PARVG: variants seen among roughly 807,000 people sequenced by gnomAD.
The protein encoded by PARVG is parvin gamma, also known as gamma-parvin.
In PARVG, 36 loss-of-function variants were observed where a neutral mutation model predicts 44.4. The ratio of observed to expected loss-of-function variants is 0.81; its 90% CI spans 0.62 to 1.07. The LOEUF is 1.07. Ranked by LOEUF, PARVG falls within the 50% of genes least tolerant of loss-of-function variation. The pLI is 0.00. For synonymous variants in PARVG, 170 were observed against 174.1 expected (o/e 0.98, Z 0.19); for missense variants, 407 against 407.4 (o/e 1.00, Z 0.01).
At chr22:44,205,388 A>G (rs577743400) in intron 12 of PARVG, among the ~76,000 whole-genome samples, 1 of 152,242 alleles carries the variant, frequency 6.6e-6, no homozygotes, top group South Asian at 2.1e-4. Flanking sequence ...GGCGGGACTC[A>G]CCACCAGGCT....
chr22:44,203,404 A>G (rs1389361846), intron 12 of PARVG, among the ~76,000 whole-genome samples: 1 of 152,238 alleles, frequency 6.6e-6, no homozygotes, highest in African/African-American at 2.4e-5. Flanking sequence ...TCAAGGCTCT[A>G]ATAAGTCCTG....
At chr22:44,204,930 C>T (rs189291181) in intron 12 of PARVG, among the ~76,000 whole-genome samples, 1 of 152,288 alleles carries the variant, frequency 6.6e-6, no homozygotes, top group African/African-American at 2.4e-5. Context: ...AGGGAGGGGA[C>T]CTACTGTGGG....
At chr22:44,190,844 G>A (rs1313106512) in intron 7 of PARVG, among the ~76,000 whole-genome samples, 178 bp downstream of exon 7, 1 of 152,192 alleles carries the variant, frequency 6.6e-6, no homozygotes, top group Non-Finnish European at 1.5e-5. Context: ...AGCTGGGGAC[G>A]GGCTGGTAAG....
At position 44,183,752 on chromosome 22, in the gene PARVG, C is replaced by T. The variant is rs116320810; in HGVS notation, c.79+344C>T. ...GGCGGGCATCAGTGCCTGCTTTATA[C>T]AGATGAGGAAACTGAGGCACAAGGG... On this transcript the variant is annotated intron_variant, in intron 3 of 13. Transcript: ENST00000444313. 631 of 405,056 alleles carry T rather than the reference C, an allele frequency of 1.6e-3. 4 individuals are homozygous for T. Among genetic ancestry groups the T allele is most frequent in the African/African-American group, 0.012 (575 of 48,734 alleles). 25.1% of individuals were successfully genotyped at this position (405,056 alleles called of 1,614,324 possible).
rs1183254158 is a variant in PARVG at position 44,183,616 on chromosome 22, G to C, written c.79+208G>C. 15 of 520,044 alleles carry C rather than the reference G, an allele frequency of 2.9e-5. No homozygotes were observed. The South Asian group carries it at 3.5e-4, about 12-fold the overall frequency. 32.2% of individuals were successfully genotyped at this position (520,044 alleles called of 1,614,324 possible). ...GCTAGAACCTCTTCTCTCCAGATGA[G>C]AGACGGTGTGGATTACGATGGTGAA... On this transcript the variant is annotated intron_variant, in intron 3 of 13. Transcript: ENST00000444313.
upstream of PARVG, among the ~76,000 whole-genome samples, chr22:44,178,692 G>A (rs1409860076): frequency 6.6e-6 from 1 of 152,136 alleles, no homozygotes; most frequent in African/African-American, 2.4e-5. Flanking sequence ...AAATGTTAGT[G>A]TCGTGAAAGA....
At chr22:44,175,012 C>T (rs745625543) in intron 1 of PARVG, among the ~76,000 whole-genome samples, 1 of 152,174 alleles carries the variant, frequency 6.6e-6, no homozygotes, top group Non-Finnish European at 1.5e-5. Context: ...ATCCCAGCTA[C>T]TAGGGAGGCT....
chr22:44,192,155 ATGGGGGCAGGG>A (rs750655540), intron 8 of PARVG, 51 bp downstream of exon 8: 2 of 841,626 alleles, frequency 2.4e-6, no homozygotes, highest in South Asian at 2.6e-5. Context: ...ACAGCGGTGG[ATGGGGGCAGGG>A]TGGGGGCCAG....
At position 44,185,796 on chromosome 22, in the gene PARVG, C is replaced by A. The variant is rs1199897511; in HGVS notation, c.80-12C>A. ...GGTCCCCATGCGCTTGTCATACCCA[C>A]TCTGCTTCCAGGAGGAAAGAAGAAA... On this transcript the variant is annotated splice_polypyrimidine_tract_variant and intron_variant, in intron 3 of 13. Transcript: ENST00000444313. 6.2e-7 allele frequency: 1 copy of A among 1,612,116 alleles called. No homozygotes were observed. The highest frequency in any genetic ancestry group is 1.3e-5 in the African/African-American group (1 of 74,858).
chr22:44,177,832 C>T (rs1453733837), upstream of PARVG, among the ~76,000 whole-genome samples: 3 of 152,160 alleles, frequency 2.0e-5, no homozygotes, highest in South Asian at 4.1e-4. Context: ...CACCACTGCA[C>T]TCCAGTCTGA....
intron 8 of PARVG, among the ~76,000 whole-genome samples, chr22:44,193,270 G>C (rs562531000): frequency 3.9e-5 from 6 of 152,280 alleles, no homozygotes; most frequent in Admixed American, 2.0e-4. Flanking sequence ...AAAATGGAGT[G>C]AAAGAAGCCA....
intron 12 of PARVG, among the ~76,000 whole-genome samples, chr22:44,203,540 AAGGCGG>A (rs1424431403): frequency 2.0e-5 from 3 of 152,214 alleles, no homozygotes; most frequent in Admixed American, 2.0e-4. Flanking sequence ...GAATGTATCA[AAGGCGG>A]AGCTTTGAGG....
rs375369681 is a variant in PARVG at position 44,196,368 on chromosome 22, C to T, written c.664C>T (p.Gln222Ter). The change falls in exon 11 of 14, where the codon CAG becomes TAG. Residue 222 changes from glutamine to a stop codon, truncating the protein, a stop_gained. Coordinates refer to ENST00000444313, the MANE Select transcript of PARVG (RefSeq NM_022141.7). LOFTEE classifies it high-confidence loss of function. ...TTAGGCCATCGTGAACTTTGTCAAC[C>T]AGAAGCTGGACCGCCTGGGCCTGTC... ...VKEAIVNFVN[Q>*]KLDRLGLSVQ... The T allele has an allele frequency of 6.2e-6, 10 of 1,614,114 alleles. No individual in the cohort carries two copies. The highest frequency in any genetic ancestry group is 8.5e-6 in the Non-Finnish European group (10 of 1,180,046).
chr22:44,203,507 A>G (rs1379320007), intron 12 of PARVG, among the ~76,000 whole-genome samples: 1 of 152,176 alleles, frequency 6.6e-6, no homozygotes, highest in South Asian at 2.1e-4. Flanking sequence ...CTTAGATCAC[A>G]GTTTGGGAGA....
At position 44,206,766 on chromosome 22, in the gene PARVG, C is replaced by G. The variant is rs571220384; in HGVS notation, c.*340C>G. The G allele has an allele frequency of 3.3e-6, 1 of 299,428 alleles. No individual in the cohort carries two copies. Among genetic ancestry groups the G allele is most frequent in the Admixed American group, 5.1e-5 (1 of 19,604 alleles). 18.5% of individuals were successfully genotyped at this position (299,428 alleles called of 1,614,324 possible). ...TCATCTCTGGGCCCAGGCTAGTGAC[C>G]GCCCAGAGAGGTGGCATCACTCAGG... is the stretch of plus-strand genomic sequence containing the variant. On this transcript the variant is annotated 3_prime_UTR_variant, in exon 14 of 14. Coordinates refer to ENST00000444313, the MANE Select transcript of PARVG (RefSeq NM_022141.7).
chr22:44,182,959 T>C lies in PARVG; in HGVS notation c.-12-359T>C. The C allele has an allele frequency of 3.8e-6, 1 of 262,920 alleles. No individual in the cohort carries two copies. Among genetic ancestry groups the C allele is most frequent in the South Asian group, 4.9e-5 (1 of 20,614 alleles). 16.3% of individuals were successfully genotyped at this position (262,920 alleles called of 1,614,324 possible). On this transcript the variant is annotated intron_variant, in intron 2 of 13. Transcript: ENST00000444313. This position sits in a 1 kb window ranked among gnomAD's most constrained non-coding sequence, Gnocchi z 4.6. ...CAAGCTCTGAGGAGTGAGCTGTACCTACTTTGTCCTGTCTGGGATAGGGTG... is the reference window on the plus strand; with the variant it reads ...CAAGCTCTGAGGAGTGAGCTGTACCCACTTTGTCCTGTCTGGGATAGGGTG...
At chr22:44,175,140 C>T (rs945948328) in intron 1 of PARVG, among the ~76,000 whole-genome samples, 3 of 152,212 alleles carry the variant, frequency 2.0e-5, no homozygotes, top group Non-Finnish European at 2.9e-5. Context: ...AAAAACATTG[C>T]TTCTGTCCCA....
rs189549229 is a variant in PARVG at position 44,204,616 on chromosome 22, C to T, written c.814-1141C>T. Reference sequence around the variant, plus strand: ...GTCTTGCCTGGCCTTGCTCATCCACCGCTCGGCCAACCTGGCCTCTTGGCC... The same window carrying T: ...GTCTTGCCTGGCCTTGCTCATCCACTGCTCGGCCAACCTGGCCTCTTGGCC... On this transcript the variant is annotated intron_variant, in intron 12 of 13. Coordinates refer to ENST00000444313, the MANE Select transcript of PARVG (RefSeq NM_022141.7). Among the ~76,000 whole-genome samples the T allele has an allele frequency of 6.2e-4, 95 of 152,372 alleles. No homozygotes were observed. The Middle Eastern group carries it at 0.01, about 16-fold the overall frequency.
chr22:44,205,115 C>A (rs139183), intron 12 of PARVG, among the ~76,000 whole-genome samples: 32,992 of 152,168 alleles, frequency 0.22, 3,645 homozygotes, highest in Admixed American at 0.24. Flanking sequence ...AGGGAGCCAT[C>A]TCTGAGACTG....
Sources: allele counts gnomAD v4.1 joint callset (sites outside exome capture counted in the v4.1 genomes callset), GRCh38; gene constraint gnomAD v4.1.1; non-coding constraint Gnocchi (gnomAD v3.1); transcripts MANE v1.5; gene names NCBI Gene and HGNC (gene_info 2026-07-23, HGNC 2026-07-21).